TF: variants seen among roughly 807,000 people sequenced by gnomAD.
The protein encoded by TF is transferrin.
Under a neutral mutation model 82.4 loss-of-function variants are expected in TF, and 55 were observed. The observed-to-expected ratio is 0.67, with a 90% CI of 0.54 to 0.84. TF has a LOEUF of 0.84. TF is among the 40% of genes least tolerant of loss of function. The probability of loss-of-function intolerance (pLI) is 0.00; values close to 1 mark genes in which losing one functional copy is unlikely to be tolerated. For missense variants in TF, 737 were observed against 868.4 expected, an observed-to-expected ratio of 0.85 and a Z score of 1.90; for synonymous variants, 332 against 332.6, an observed-to-expected ratio of 1.00 and a Z score of 0.02.
chr3:133,776,425 A>C (rs968438054), intron 15 of TF, among the ~76,000 whole-genome samples: 4 of 152,164 alleles, frequency 2.6e-5, no homozygotes, highest in African/African-American at 9.7e-5. Flanking sequence ...CTGTTGATTC[A>C]CCATTACCTT....
At chr3:133,769,097 T>G (rs1934198658) in intron 13 of TF, among the ~76,000 whole-genome samples, 1 of 152,142 alleles carries the variant, frequency 6.6e-6, no homozygotes. Flanking sequence ...TGGCCCTACC[T>G]TATTACTTTT....
chr3:133,695,022 C>T, the TF span, among the ~76,000 whole-genome samples: 2 of 152,100 alleles, frequency 1.3e-5, no homozygotes, highest in Admixed American at 1.3e-4. Flanking sequence ...TGCTTTTGGC[C>T]TGGGCTTCGC....
the TF span, among the ~76,000 whole-genome samples, chr3:133,695,709 C>G: frequency 6.6e-6 from 1 of 152,206 alleles, no homozygotes; most frequent in South Asian, 2.1e-4. Flanking sequence ...CACAGTATCA[C>G]TTTAACACAG....
chr3:133,777,463 G>A lies in TF; in HGVS notation c.2062+225G>A, dbSNP rs41296608. 7.3e-6 allele frequency: 4 copies of A among 551,082 alleles called. No individual in the cohort carries two copies. The Admixed American group carries it at 1.2e-4, about 17-fold the overall frequency. 34.1% of individuals were successfully genotyped at this position (551,082 alleles called of 1,614,324 possible). ...AGAGCACTAAGGTAGTGAACTTATTGGGTATAGAGAATTCCATCTTATTTC... is the reference window on the plus strand; with the variant it reads ...AGAGCACTAAGGTAGTGAACTTATTAGGTATAGAGAATTCCATCTTATTTC... On this transcript the variant is annotated intron_variant, in intron 16 of 16. Transcript: ENST00000402696.
At chr3:133,703,043 T>A in the TF span, among the ~76,000 whole-genome samples, 2 of 152,236 alleles carry the variant, frequency 1.3e-5, no homozygotes, top group Non-Finnish European at 2.9e-5. Flanking sequence ...ATAATGGCTA[T>A]GTAATATTCC....
the TF span, among the ~76,000 whole-genome samples, chr3:133,696,809 T>C: frequency 6.6e-6 from 1 of 151,372 alleles, no homozygotes. Context: ...TTTTTTTACA[T>C]TTATGAAAAA....
At chr3:133,746,573 C>A (rs1933507291) in intron 1 of TF, 90 bp downstream of exon 1, 1 of 1,418,516 alleles carries the variant, frequency 7.0e-7, no homozygotes, top group East Asian at 2.5e-5. Context: ...GCATGCACTC[C>A]GCGCTCAGGC....
At chr3:133,776,286 G>A (rs1440702294) in intron 15 of TF, among the ~76,000 whole-genome samples, 1 of 152,162 alleles carries the variant, frequency 6.6e-6, no homozygotes, top group Non-Finnish European at 1.5e-5. Flanking sequence ...CTTGCCCTCG[G>A]AGAGCCTGCC....
intron 6 of TF, 118 bp downstream of exon 6, chr3:133,756,455 T>C: frequency 1.7e-6 from 2 of 1,198,546 alleles, no homozygotes; most frequent in Non-Finnish European, 2.4e-6. Flanking sequence ...CCTTTATCAT[T>C]GCCTGGGTTT....
the TF span, among the ~76,000 whole-genome samples, chr3:133,730,485 A>G: frequency 6.6e-6 from 1 of 152,078 alleles, no homozygotes; most frequent in African/African-American, 2.4e-5. Context: ...AATTTTCTAT[A>G]CCAGGAGAGT....
At chr3:133,750,376 A>T (rs1933625804) in intron 2 of TF, among the ~76,000 whole-genome samples, 1 of 152,162 alleles carries the variant, frequency 6.6e-6, no homozygotes, top group Non-Finnish European at 1.5e-5. Flanking sequence ...AGCACAAAGC[A>T]AGCAGTAGGT....
the TF span, among the ~76,000 whole-genome samples, chr3:133,706,298 C>G: frequency 4.6e-5 from 7 of 152,200 alleles, no homozygotes; most frequent in African/African-American, 7.2e-5. Context: ...AAAATAAAAT[C>G]CACCTTTCAG....
the TF span, among the ~76,000 whole-genome samples, chr3:133,724,836 G>C: frequency 8.5e-5 from 13 of 152,278 alleles, no homozygotes; most frequent in African/African-American, 2.9e-4. Flanking sequence ...CTTTGTATAA[G>C]GTGTAAGGAA....
chr3:133,694,030 T>C, the TF span, among the ~76,000 whole-genome samples: 6 of 152,154 alleles, frequency 3.9e-5, no homozygotes, highest in East Asian at 1.2e-3. Context: ...CCCTCCGGCA[T>C]GGGCATTGCC....
the TF span, among the ~76,000 whole-genome samples, chr3:133,669,414 C>A: frequency 6.6e-6 from 1 of 152,204 alleles, no homozygotes; most frequent in East Asian, 1.9e-4. Flanking sequence ...AGACCCCAGA[C>A]ATGTGCTCCC....
chr3:133,777,780 T>A (rs1290094730), intron 16 of TF: 1 of 159,688 alleles, frequency 6.3e-6, no homozygotes, highest in African/African-American at 2.4e-5. Context: ...TAGGTTCTGG[T>A]AACCATAAAG....
At chr3:133,755,730 C>G (rs1378271202) in intron 5 of TF, 4 of 590,118 alleles carry the variant, frequency 6.8e-6, no homozygotes, top group Non-Finnish European at 1.2e-5. Flanking sequence ...CCTTTCTCCC[C>G]AGAGCCCTCA....
At chr3:133,673,987 G>A in the TF span, among the ~76,000 whole-genome samples, 11 of 152,272 alleles carry the variant, frequency 7.2e-5, no homozygotes, top group Admixed American at 7.2e-4. Context: ...GCAGAGGGCT[G>A]CTGGGGACAG....
intron 10 of TF, 61 bp from the exon 11 acceptor site, chr3:133,764,814 C>T (rs1424534697): frequency 9.8e-6 from 15 of 1,530,304 alleles, no homozygotes; most frequent in Non-Finnish European, 1.3e-5. Context: ...AAAAAAAAGG[C>T]ATGGTTTCCC....
Sources: gnomAD v4.1 joint callset for allele counts (sites outside exome capture counted in the v4.1 genomes callset) on GRCh38, gnomAD v4.1.1 for gene constraint, MANE v1.5 for transcripts, NCBI Gene and HGNC (gene_info 2026-07-23, HGNC 2026-07-21) for gene names.